MSTO1: variants seen among roughly 807,000 people sequenced by gnomAD.
The protein encoded by MSTO1 is protein misato homolog 1.
A neutral mutation model predicts 55.7 loss-of-function variants in MSTO1; 24 were observed. The ratio of observed to expected loss-of-function variants is 0.43; its 90% CI spans 0.31 to 0.61. The LOEUF (loss-of-function observed/expected upper bound fraction) is 0.61. MSTO1 is among the 20% of genes least tolerant of loss of function. The pLI, the probability that MSTO1 is intolerant of heterozygous loss-of-function variation, is 0.09. For synonymous variants in MSTO1, 162 were observed against 252.8 expected, an observed-to-expected ratio of 0.64 and a Z score of 3.41; for missense variants, 363 against 625.7, an observed-to-expected ratio of 0.58 and a Z score of 4.48.
the MSTO1 span, among the ~76,000 whole-genome samples, chr1:155,577,926 G>A: frequency 1.3e-5 from 2 of 152,054 alleles, no homozygotes; most frequent in East Asian, 1.9e-4. Context: ...TGTATTTTTC[G>A]TAGAGACGGA....
the MSTO1 span, among the ~76,000 whole-genome samples, chr1:155,603,494 A>G: frequency 6.6e-6 from 1 of 152,202 alleles, no homozygotes; most frequent in African/African-American, 2.4e-5. Context: ...AAAGAGATAA[A>G]AGAATTGGTA....
chr1:155,609,285 G>A (rs1169704741), upstream of MSTO1, among the ~76,000 whole-genome samples: 1 of 100,908 alleles, frequency 9.9e-6, no homozygotes, highest in Non-Finnish European at 1.8e-5. Context: ...TCGCTCTGTC[G>A]CCCAGGATGG....
the MSTO1 span, among the ~76,000 whole-genome samples, chr1:155,597,152 A>T: frequency 2.6e-5 from 4 of 151,882 alleles, no homozygotes; most frequent in African/African-American, 4.8e-5. Flanking sequence ...GACCTTATCC[A>T]CTTTTCAAAG....
the MSTO1 span, among the ~76,000 whole-genome samples, chr1:155,574,633 C>A: frequency 6.6e-6 from 1 of 151,994 alleles, no homozygotes; most frequent in Non-Finnish European, 1.5e-5. Context: ...GTGGTGCAAT[C>A]CTAGCTCACT....
the MSTO1 span, chr1:155,590,960 C>T: frequency 9.3e-6 from 15 of 1,613,718 alleles, no homozygotes; most frequent in African/African-American, 9.3e-5. Flanking sequence ...GTACACTTGG[C>T]CCCAGCAAGG....
chr1:155,607,948 G>C (rs1174361235), upstream of MSTO1, among the ~76,000 whole-genome samples: 1 of 152,188 alleles, frequency 6.6e-6, no homozygotes, highest in Non-Finnish European at 1.5e-5. Flanking sequence ...AGTGAGCCGG[G>C]AGATTGCACC....
In MSTO1 at chr1:155,614,100, T is replaced by G. The variant is rs538765549; in HGVS notation, c.1540T>G (p.Ser514Ala). The change falls in exon 14 of 14, where the codon TCG (serine) becomes GCG (alanine). Residue 514 changes from serine to alanine, a missense_variant. Coordinates refer to ENST00000245564, the MANE Select transcript of MSTO1 (RefSeq NM_018116.4). ...IPVFGALCSSSSLHQTLEALA... is the reference protein window; with the variant it reads ...IPVFGALCSSASLHQTLEALA... ...AGTGTTTGGGGCACTGTGTTCCTCT[T>G]CGTCCCTGCACCAGACCCTGGAAGC... 55 of 1,494,074 alleles carry G rather than the reference T, an allele frequency of 3.7e-5. No homozygotes were observed. The Admixed American group carries it at 1.0e-3, about 28-fold the overall frequency. The allele number at this position is 1,494,074 out of a possible 1,614,324, so 92.6% of individuals were successfully genotyped here.
chr1:155,573,555 T>G, the MSTO1 span, among the ~76,000 whole-genome samples: 15 of 151,500 alleles, frequency 9.9e-5, 1 homozygote, highest in South Asian at 3.1e-3. Context: ...AAATACGAAC[T>G]GACCAGGCGC....
upstream of MSTO1, among the ~76,000 whole-genome samples, chr1:155,605,258 CACAAAACAAA>C (rs112109642): frequency 3.7e-4 from 56 of 151,140 alleles, no homozygotes; most frequent in Non-Finnish European, 5.3e-4. Flanking sequence ...AAGACTCCAT[CACAAAACAAA>C]ACAAAACAAA....
chr1:155,610,603 C>CA (rs781569702), intron 2 of MSTO1, 43 bp downstream of exon 2: 44 of 1,225,488 alleles, frequency 3.6e-5, no homozygotes, highest in Non-Finnish European at 4.9e-5. Flanking sequence ...TATTTCCCTT[C>CA]CGCGTGCCTA....
the MSTO1 span, chr1:155,590,680 T>A: frequency 6.8e-7 from 1 of 1,471,992 alleles, no homozygotes. Context: ...GGCCATGTAA[T>A]GGCTGGGGCC....
the MSTO1 span, among the ~76,000 whole-genome samples, chr1:155,573,343 G>A: frequency 6.6e-6 from 1 of 151,990 alleles, no homozygotes; most frequent in Non-Finnish European, 1.5e-5. Flanking sequence ...CAGGTGGATC[G>A]CTTGAGCCCA....
chr1:155,577,717 G>T, the MSTO1 span, among the ~76,000 whole-genome samples: 2 of 152,106 alleles, frequency 1.3e-5, no homozygotes, highest in Non-Finnish European at 2.9e-5. Flanking sequence ...TAGGTCTATG[G>T]CATTTCCATA....
chr1:155,594,928 G>A, the MSTO1 span, among the ~76,000 whole-genome samples: 2 of 152,048 alleles, frequency 1.3e-5, no homozygotes, highest in Non-Finnish European at 2.9e-5. Context: ...CTTGACATCA[G>A]GAGTTCGTGA....
At chr1:155,609,243 A>ATATATATATATTTTTTTT (rs59756178), upstream of MSTO1, among the ~76,000 whole-genome samples, 1 of 54,588 alleles carries the variant, frequency 1.8e-5, no homozygotes, top group Non-Finnish European at 3.0e-5. Flanking sequence ...ATATATATAT[A>ATATATATATATTTTTTTT]TTTTTTTTTT....
the MSTO1 span, among the ~76,000 whole-genome samples, chr1:155,571,065 G>C: frequency 4.6e-5 from 7 of 152,152 alleles, no homozygotes; most frequent in Admixed American, 3.9e-4. Flanking sequence ...ATGCTCACAT[G>C]TATAATCCCA....
At chr1:155,578,161 G>A in the MSTO1 span, among the ~76,000 whole-genome samples, 677 of 152,030 alleles carry the variant, frequency 4.5e-3, 3 homozygotes, top group South Asian at 0.01. Flanking sequence ...TGGTGTGATG[G>A]AGTTACAAAA....
At chr1:155,612,629 A>C (rs1674485273) in intron 9 of MSTO1, 59 bp downstream of exon 9, 2 of 1,545,694 alleles carry the variant, frequency 1.3e-6, no homozygotes, top group Non-Finnish European at 1.7e-6. Flanking sequence ...TCATGCTCCC[A>C]GTCAGCCGCT....
chr1:155,613,406 C>G, intron 11 of MSTO1, 56 bp from the exon 12 acceptor site: 2 of 1,608,922 alleles, frequency 1.2e-6, no homozygotes, highest in Admixed American at 1.7e-5. Flanking sequence ...CATAAGAATT[C>G]TGTTTCTTAT....
Sources: allele counts gnomAD v4.1 joint callset (sites outside exome capture counted in the v4.1 genomes callset), GRCh38; gene constraint gnomAD v4.1.1; transcripts MANE v1.5; gene names NCBI Gene and HGNC (gene_info 2026-07-23, HGNC 2026-07-21).